The following KRTAP10-9 variants were observed in gnomAD, a reference collection of about 807,000 sequenced individuals.
KRTAP10-9 encodes the protein keratin-associated protein 10-9.
In KRTAP10-9, 1 loss-of-function variant was observed where a neutral mutation model predicts 0.5. That is an observed-to-expected ratio of 1.92 (90% CI 0.68 to 9.09). KRTAP10-9 has a LOEUF of 9.09. Ranked by LOEUF, KRTAP10-9 falls within the 30% of genes most tolerant of loss-of-function variation. The pLI is 0.13. For synonymous variants in KRTAP10-9, 199 were observed against 159.8 expected, an observed-to-expected ratio of 1.25 and a Z score of -1.85; for missense variants, 391 against 376.4, an observed-to-expected ratio of 1.04 and a Z score of -0.32.
Position 44,627,358 on chromosome 21 carries a change from G to C in KRTAP10-9, c.187G>C (p.Glu63Gln). 6.2e-7 allele frequency: 1 copy of C among 1,613,532 alleles called. No individual in the cohort carries two copies. Among genetic ancestry groups the C allele is most frequent in the Non-Finnish European group, 8.5e-7 (1 of 1,179,956 alleles). Residue 63 changes from glutamate to glutamine, a missense_variant, in exon 1 of 1, where the codon GAG becomes CAG. By Grantham distance (29) the Glu-to-Gln change is conservative. Transcript: ENST00000397911. ...VSSPCCQVTC[E>Q]PSPCQSGCTS... is the part of the protein sequence containing the mutation. ...CAGCCCCTGCTGCCAGGTGACCTGT[G>C]AGCCCAGCCCCTGCCAATCAGGCTG...
rs1982887518 is a variant in KRTAP10-9 at position 44,627,348 on chromosome 21, G to A, written c.177G>A (p.Gln59=). ...PVSRVSSPCC[Q]VTCEPSPCQS... ...GCCGTGTATCCAGCCCCTGCTGCCA[G>A]GTGACCTGTGAGCCCAGCCCCTGCC... The change falls in exon 1 of 1, where the codon CAG becomes CAA. Residue 59 remains glutamine, a synonymous_variant. Coordinates refer to ENST00000397911, the MANE Select transcript of KRTAP10-9 (RefSeq NM_198690.3). The A allele has an allele frequency of 3.1e-6, 5 of 1,613,298 alleles. No homozygotes were observed. The highest frequency in any genetic ancestry group is 2.7e-5 in the African/African-American group (2 of 74,898).
At position 44,627,742 on chromosome 21, in the gene KRTAP10-9, G is replaced by T. The variant is rs149336073; in HGVS notation, c.571G>T (p.Val191Phe). The T allele has an allele frequency of 1.3e-4, 209 of 1,595,056 alleles. 1 individual carries two copies. The East Asian group carries it at 4.6e-3, about 35-fold the overall frequency. The change falls in exon 1 of 1, where the codon GTC (valine) becomes TTC (phenylalanine). Residue 191 changes from valine to phenylalanine, a missense_variant. Coordinates refer to ENST00000397911, the MANE Select transcript of KRTAP10-9 (RefSeq NM_198690.3). Reference protein sequence around the residue: ...SYCVPVCCKPVCCKPICCVPV... With the variant: ...SYCVPVCCKPFCCKPICCVPV... ...CTGTGTGCCTGTCTGCTGTAAGCCT[G>T]TCTGCTGCAAACCCATCTGCTGTGT...
rs1456042257 is a variant in KRTAP10-9 at position 44,628,156 on chromosome 21, C to A, written c.*106C>A. 8.6e-6 allele frequency: 12 copies of A among 1,388,670 alleles called. No individual in the cohort carries two copies. In the Admixed American group the frequency reaches 2.0e-4, roughly 23 times the overall value. 86.0% of individuals were successfully genotyped at this position (1,388,670 alleles called of 1,614,324 possible). A position where few individuals can be genotyped will look rare whatever the true frequency, so the allele number is the denominator to read the frequency against. ...GCACAGCTCAACACAGAAGGAGCAG[C>A]CCCAGCCACAGCCGCCCAGCCCCGG... is the stretch of plus-strand genomic sequence containing the variant. On this transcript the variant is annotated 3_prime_UTR_variant, in exon 1 of 1. Transcript: ENST00000397911.
In KRTAP10-9 at chr21:44,627,635, G is replaced by C; in HGVS notation, c.464G>C (p.Cys155Ser). 6.2e-7 allele frequency: 1 copy of C among 1,610,312 alleles called. No individual in the cohort carries two copies. Among genetic ancestry groups the C allele is most frequent in the East Asian group, 2.2e-5 (1 of 44,708 alleles). The change falls in exon 1 of 1, where the codon TGC becomes TCC. Residue 155 changes from cysteine to serine, a missense_variant. By Grantham distance (112) the Cys-to-Ser change is moderately radical (BLOSUM62 -1). Coordinates refer to ENST00000397911, the MANE Select transcript of KRTAP10-9 (RefSeq NM_198690.3). ...CCKPVCCAPT[C>S]SEDSYSCCQQ... ...AAACCTGTGTGCTGTGCGCCCACCT[G>C]CTCTGAGGATTCCTATTCATGCTGC...
In KRTAP10-9 at chr21:44,628,136, G is replaced by C. The variant is rs59484649; in HGVS notation, c.*86G>C. ...TCCCAGCCCACCCAGCCTCAGCACA[G>C]CTCAACACAGAAGGAGCAGCCCCAG... On this transcript the variant is annotated 3_prime_UTR_variant, in exon 1 of 1. Transcript: ENST00000397911. 0.46 allele frequency: 679,944 copies of C among 1,486,688 alleles called. 156,463 individuals carry two copies. The highest frequency in any genetic ancestry group is 0.58 in the Middle Eastern group (2,678 of 4,618). 92.1% of individuals were successfully genotyped at this position (1,486,688 alleles called of 1,614,324 possible). A position where few individuals can be genotyped will look rare whatever the true frequency, so the allele number is the denominator to read the frequency against.
rs1555934757 is a variant in KRTAP10-9 at position 44,627,631 on chromosome 21, A to T, written c.460A>T (p.Thr154Ser). Reference protein sequence around the residue: ...VCCKPVCCAPTCSEDSYSCCQ... With the variant: ...VCCKPVCCAPSCSEDSYSCCQ... ...CTGCAAACCTGTGTGCTGTGCGCCC[A>T]CCTGCTCTGAGGATTCCTATTCATG... Residue 154 changes from threonine to serine, a missense_variant, in exon 1 of 1, where the codon ACC becomes TCC. Coordinates refer to ENST00000397911, the MANE Select transcript of KRTAP10-9 (RefSeq NM_198690.3). 6.2e-7 allele frequency: 1 copy of T among 1,601,280 alleles called. No homozygotes were observed.
rs62220925 is a variant in KRTAP10-9 at position 44,627,405 on chromosome 21, G to C, written c.234G>C (p.Ser78=). Residue 78 remains serine, a synonymous_variant, in exon 1 of 1, where the codon TCG becomes TCC. Transcript: ENST00000397911. ...GCTGCACCAGCTCCTGCACGCCCTC[G>C]TGCTGCCAGCAGTCTAGCTGCCAGC... ...QSGCTSSCTP[S]CCQQSSCQPA... is the part of the protein sequence containing the mutation. 2 of 1,613,744 alleles carry C rather than the reference G, an allele frequency of 1.2e-6. No individual in the cohort carries two copies. Among genetic ancestry groups the C allele is most frequent in the African/African-American group, 1.3e-5 (1 of 74,820 alleles).
rs782247632 is a variant in KRTAP10-9 at position 44,627,432 on chromosome 21, G to C, written c.261G>C (p.Pro87=). 1.2e-6 allele frequency: 2 copies of C among 1,613,188 alleles called. No individual in the cohort carries two copies. Among genetic ancestry groups the C allele is most frequent in the Admixed American group, 1.7e-5 (1 of 59,982 alleles). The part of the protein sequence containing the change: ...PSCCQQSSCQ[P]AYCTSSPCQQ... Reference sequence around the variant, plus strand: ...GCTGCCAGCAGTCTAGCTGCCAGCCGGCTTACTGCACCTCCTCCCCCTGCC... The same window carrying C: ...GCTGCCAGCAGTCTAGCTGCCAGCCCGCTTACTGCACCTCCTCCCCCTGCC... The change falls in exon 1 of 1, where the codon CCG becomes CCC. Residue 87 remains proline (P), a synonymous_variant. Transcript: ENST00000397911.
At position 44,627,195 on chromosome 21, in the gene KRTAP10-9, C is replaced by T. The variant is rs1555934546; in HGVS notation, c.24C>T (p.Ile8=). The part of the protein sequence containing the change: MAASTMS[I]RSSAYSDSWQ... ...GCATGGCCGCGTCCACCATGTCCAT[C>T]CGCTCCAGCGCTTACTCCGACTCCT... Residue 8 remains isoleucine, a synonymous_variant, in exon 1 of 1, where the codon ATC becomes ATT. Coordinates refer to ENST00000397911, the MANE Select transcript of KRTAP10-9 (RefSeq NM_198690.3). 1 of 1,612,976 alleles carries T rather than the reference C, an allele frequency of 6.2e-7. No homozygotes were observed. The highest frequency in any genetic ancestry group is 2.2e-5 in the East Asian group (1 of 44,874).
chr21:44,627,098 C>T lies in KRTAP10-9; in HGVS notation c.-74C>T. The T allele has an allele frequency of 6.4e-7, 1 of 1,568,902 alleles. No homozygotes were observed. Among genetic ancestry groups the T allele is most frequent in the Non-Finnish European group, 8.7e-7 (1 of 1,154,988 alleles). ...CTGAGAGCCCCAAGAACCTCACACA[C>T]TCACAAACTCACTCACTGACACACT... On this transcript the variant is annotated 5_prime_UTR_variant, in exon 1 of 1. Transcript: ENST00000397911.
Position 44,627,733 on chromosome 21 carries a change from T to G in KRTAP10-9, c.562T>G (p.Cys188Gly), listed in dbSNP as rs782085737. Residue 188 changes from cysteine (C) to glycine (G), a missense_variant, in exon 1 of 1, where the codon TGT becomes GGT. By Grantham distance (159) the Cys-to-Gly change is radical. Coordinates refer to ENST00000397911, the MANE Select transcript of KRTAP10-9 (RefSeq NM_198690.3). Reference sequence around the variant, plus strand: ...GCAGTCCTACTGTGTGCCTGTCTGCTGTAAGCCTGTCTGCTGCAAACCCAT... The same window carrying G: ...GCAGTCCTACTGTGTGCCTGTCTGCGGTAAGCCTGTCTGCTGCAAACCCAT... ...CQQSYCVPVCCKPVCCKPICC... is the reference protein window; with the variant it reads ...CQQSYCVPVCGKPVCCKPICC... 3.1e-6 allele frequency: 5 copies of G among 1,595,382 alleles called. No individual in the cohort carries two copies. The highest frequency in any genetic ancestry group is 4.3e-6 in the Non-Finnish European group (5 of 1,167,590).
rs1555934716 is a variant in KRTAP10-9 at position 44,627,557 on chromosome 21, C to T, written c.386C>T (p.Ala129Val). 1 of 1,613,616 alleles carries T rather than the reference C, an allele frequency of 6.2e-7. No homozygotes were observed. The highest frequency in any genetic ancestry group is 1.3e-5 in the African/African-American group (1 of 74,832). The change falls in exon 1 of 1, where the codon GCT becomes GTT. Residue 129 changes from alanine to valine, a missense_variant. Physicochemically the swap from Ala to Val is moderately conservative, Grantham distance 64. Coordinates refer to ENST00000397911, the MANE Select transcript of KRTAP10-9 (RefSeq NM_198690.3). ...TGCCAACAGTCTAGCTACCAGCCAG[C>T]TTGCTGTGCCTCTTCCTCCTGCCAG... The part of the protein sequence containing the change: ...SCCQQSSYQP[A>V]CCASSSCQPA...
At position 44,628,250 on chromosome 21, in the gene KRTAP10-9, G is replaced by C. The variant is rs9979752; in HGVS notation, c.*200G>C. ...CAGGCGAGCCCTGGCTTCTCCTCAC[G>C]GTGCTTCCTGGCTGCAGACCACAAC... is the stretch of plus-strand genomic sequence containing the variant. On this transcript the variant is annotated 3_prime_UTR_variant, in exon 1 of 1. Coordinates refer to ENST00000397911, the MANE Select transcript of KRTAP10-9 (RefSeq NM_198690.3). 4 of 563,386 alleles carry C rather than the reference G, an allele frequency of 7.1e-6. No individual in the cohort carries two copies. Among genetic ancestry groups the C allele is most frequent in the Non-Finnish European group, 1.2e-5 (4 of 325,070 alleles). 34.9% of individuals were successfully genotyped at this position (563,386 alleles called of 1,614,324 possible).
chr21:44,628,219 C>G lies in KRTAP10-9; in HGVS notation c.*169C>G, dbSNP rs587666529. On this transcript the variant is annotated 3_prime_UTR_variant, in exon 1 of 1. Coordinates refer to ENST00000397911, the MANE Select transcript of KRTAP10-9 (RefSeq NM_198690.3). Reference sequence around the variant, plus strand: ...TCACTGGCTCCTCCCTGACCTCCCCCCCGGGCAGGCGAGCCCTGGCTTCTC... The same window carrying G: ...TCACTGGCTCCTCCCTGACCTCCCCGCCGGGCAGGCGAGCCCTGGCTTCTC... The G allele has an allele frequency of 5.0e-3, 3,771 of 761,016 alleles. 51 individuals are homozygous for G. The highest frequency in any genetic ancestry group is 0.026 in the African/African-American group (1,421 of 54,658). 47.1% of individuals were successfully genotyped at this position (761,016 alleles called of 1,614,324 possible).
chr21:44,627,762 C>T lies in KRTAP10-9; in HGVS notation c.591C>T (p.Cys197=), dbSNP rs587607751. 57 of 1,600,304 alleles carry T rather than the reference C, an allele frequency of 3.6e-5. No homozygotes were observed. The highest frequency in any genetic ancestry group is 2.9e-4 in the East Asian group (13 of 44,656). The change falls in exon 1 of 1, where the codon TGC becomes TGT. Residue 197 remains cysteine, a synonymous_variant. Coordinates refer to ENST00000397911, the MANE Select transcript of KRTAP10-9 (RefSeq NM_198690.3). ...CCKPVCCKPI[C]CVPVCSGASS... is the part of the protein sequence containing the mutation. ...AGCCTGTCTGCTGCAAACCCATCTG[C>T]TGTGTGCCTGTCTGCTCTGGGGCTT...
rs1202578734 is a variant in KRTAP10-9, at chr21:44,627,704, G to A, written c.533G>A (p.Cys178Tyr). 2 of 1,598,584 alleles carry A rather than the reference G, an allele frequency of 1.3e-6. No homozygotes were observed. Among genetic ancestry groups the A allele is most frequent in the African/African-American group, 1.3e-5 (1 of 74,570 alleles). ...CQPACCTSSP[C>Y]QQSYCVPVCC... is the part of the protein sequence containing the mutation. ...CCAGCTTGCTGCACTTCCTCCCCCT[G>A]CCAGCAGTCCTACTGTGTGCCTGTC... Residue 178 changes from cysteine (C) to tyrosine (Y), a missense_variant, in exon 1 of 1, where the codon TGC (cysteine) becomes TAC (tyrosine). By Grantham distance (194) the Cys-to-Tyr change is radical (BLOSUM62 -2). Transcript: ENST00000397911.
At position 44,627,954 on chromosome 21, in the gene KRTAP10-9, T is replaced by C. The variant is rs1376933628; in HGVS notation, c.783T>C (p.Tyr261=). Residue 261 remains tyrosine (Y), a synonymous_variant, in exon 1 of 1, where the codon TAT becomes TAC. Coordinates refer to ENST00000397911, the MANE Select transcript of KRTAP10-9 (RefSeq NM_198690.3). ...CCACCTCCTCCCGCCAGCCCAGCTATTGCCGCCAGGCCTCCTGTGTGTCCC... is the reference window on the plus strand; with the variant it reads ...CCACCTCCTCCCGCCAGCCCAGCTACTGCCGCCAGGCCTCCTGTGTGTCCC... ...CAPTSSRQPS[Y]CRQASCVSLL... 63 of 1,516,990 alleles carry C rather than the reference T, an allele frequency of 4.2e-5. No individual in the cohort carries two copies. Among genetic ancestry groups the C allele is most frequent in the Non-Finnish European group, 5.6e-5 (62 of 1,116,264 alleles). 94.0% of individuals were successfully genotyped at this position (1,516,990 alleles called of 1,614,324 possible). A position where few individuals can be genotyped will look rare whatever the true frequency, so the allele number is the denominator to read the frequency against.
Position 44,628,046 on chromosome 21 carries a change from G to C in KRTAP10-9, c.875G>C (p.Cys292Ser). Residue 292 changes from cysteine to serine, a missense_variant, in exon 1 of 1, where the codon TGC becomes TCC. Physicochemically the swap from Cys to Ser is moderately radical, Grantham distance 112. Coordinates refer to ENST00000397911, the MANE Select transcript of KRTAP10-9 (RefSeq NM_198690.3). ...YSFSSGQKSSC is the reference protein window; with the variant it reads ...YSFSSGQKSSS ...TTCTCCTCAGGCCAGAAGTCCAGCT[G>C]CTGACGGTCATGTCCCCCAGGGCCA... 3.1e-6 allele frequency: 5 copies of C among 1,611,330 alleles called. No homozygotes were observed. Among genetic ancestry groups the C allele is most frequent in the Non-Finnish European group, 4.2e-6 (5 of 1,178,296 alleles).
At position 44,627,464 on chromosome 21, in the gene KRTAP10-9, C is replaced by T; in HGVS notation, c.293C>T (p.Ala98Val). 5.1e-6 allele frequency: 8 copies of T among 1,572,740 alleles called. No homozygotes were observed. Among genetic ancestry groups the T allele is most frequent in the Non-Finnish European group, 6.9e-6 (8 of 1,159,654 alleles). Residue 98 changes from alanine to valine, a missense_variant, in exon 1 of 1, where the codon GCC becomes GTC. Transcript: ENST00000397911. ...AYCTSSPCQQACCVPVCCKPV... is the reference protein window; with the variant it reads ...AYCTSSPCQQVCCVPVCCKPV... ...TGCACCTCCTCCCCCTGCCAGCAGG[C>T]CTGCTGCGTGCCCGTCTGCTGCAAG... is the stretch of plus-strand genomic sequence containing the variant.
Sources: allele counts gnomAD v4.1 joint callset, GRCh38; gene constraint gnomAD v4.1.1; transcripts MANE v1.5; gene names NCBI Gene and HGNC (gene_info 2026-07-23, HGNC 2026-07-21).